CCDC85A: variants seen among roughly 807,000 people sequenced by gnomAD.
CCDC85A encodes coiled-coil domain-containing protein 85A.
CCDC85A carries 38 observed loss-of-function variants against 50.2 expected under a neutral mutation model. The ratio of observed to expected loss-of-function variants is 0.76; its 90% CI spans 0.58 to 0.99. The LOEUF is 0.99. Ranked by LOEUF, CCDC85A falls within the 50% of genes least tolerant of loss-of-function variation. The pLI, the probability that CCDC85A is intolerant of heterozygous loss-of-function variation, is 0.00. For missense variants in CCDC85A, 820 were observed against 742.0 expected (o/e 1.11, Z -1.22); for synonymous variants, 366 against 301.4 (o/e 1.21, Z -2.22).
At chr2:56,191,660 G>C (rs1401127557) in intron 1 of CCDC85A, among the ~76,000 whole-genome samples, 1 of 152,226 alleles carries the variant, frequency 6.6e-6, no homozygotes, top group Non-Finnish European at 1.5e-5. Context: ...AACAGAAAGA[G>C]GGGGCATTTG....
chr2:56,199,267 A>G (rs1363112512), intron 2 of CCDC85A, among the ~76,000 whole-genome samples: 1 of 152,204 alleles, frequency 6.6e-6, no homozygotes, highest in Non-Finnish European at 1.5e-5. Context: ...ACAAATACAG[A>G]ATGTGTAGGG....
chr2:56,252,051 A>AT (rs764719557), intron 2 of CCDC85A, among the ~76,000 whole-genome samples: 5,423 of 126,326 alleles, frequency 0.043, 299 homozygotes, highest in African/African-American at 0.14. Context: ...ATCATCAACT[A>AT]TTTTTTTTTT....
At chr2:56,369,514 A>T (rs1441071948) in intron 3 of CCDC85A, among the ~76,000 whole-genome samples, 1 of 152,116 alleles carries the variant, frequency 6.6e-6, no homozygotes, top group South Asian at 2.1e-4. Context: ...AACCCATGCA[A>T]ATGTCCATAT....
In CCDC85A at chr2:56,184,634, G is replaced by A; in HGVS notation, c.10G>A (p.Ala4Thr). The change falls in exon 1 of 6, where the codon GCG becomes ACG. Residue 4 changes from alanine (A) to threonine (T), a missense_variant. By Grantham distance (58) the Ala-to-Thr change is moderately conservative. Coordinates refer to ENST00000407595, the MANE Select transcript of CCDC85A (RefSeq NM_001080433.2). MSK[A>T]AGGAAAAAAA... is the part of the protein sequence containing the mutation. ...CCACCCCGCGGATACCATGTCGAAG[G>A]CGGCCGGAGGCGCGGCGGCGGCTGC... 6 of 1,428,034 alleles carry A rather than the reference G, an allele frequency of 4.2e-6. No homozygotes were observed. The highest frequency in any genetic ancestry group is 5.4e-6 in the Non-Finnish European group (6 of 1,104,996). The allele number at this position is 1,428,034 out of a possible 1,614,324, so 88.5% of individuals were successfully genotyped here.
intron 2 of CCDC85A, among the ~76,000 whole-genome samples, chr2:56,332,303 A>G (rs1673845921): frequency 6.6e-6 from 1 of 152,118 alleles, no homozygotes; most frequent in Non-Finnish European, 1.5e-5. Context: ...ATACAACAGA[A>G]TACCTTAGGT....
At chr2:56,185,241 TAGGCGGAA>T (rs1280607080) in intron 1 of CCDC85A, among the ~76,000 whole-genome samples, 1 of 152,178 alleles carries the variant, frequency 6.6e-6, no homozygotes, top group Non-Finnish European at 1.5e-5. Flanking sequence ...TTCAGTCAGT[TAGGCGGAA>T]AGGCCAGTGA....
intron 2 of CCDC85A, among the ~76,000 whole-genome samples, chr2:56,300,322 A>T (rs1672143128): frequency 6.6e-6 from 1 of 152,238 alleles, no homozygotes; most frequent in African/African-American, 2.4e-5. Flanking sequence ...TGAATAAGTA[A>T]ATGAACATGG....
At chr2:56,342,835 C>A (rs1248597127) in intron 2 of CCDC85A, 44 bp from the exon 3 acceptor site, 11 of 1,302,724 alleles carry the variant, frequency 8.4e-6, no homozygotes, top group African/African-American at 1.5e-5. Flanking sequence ...GTACACCAAA[C>A]AAGACCTGTG....
chr2:56,238,740 C>G (rs1054364145), intron 2 of CCDC85A, among the ~76,000 whole-genome samples: 1 of 152,068 alleles, frequency 6.6e-6, no homozygotes, highest in African/African-American at 2.4e-5. Flanking sequence ...TATAAGACCA[C>G]TATATAAGAG....
At chr2:56,190,027 C>T (rs1676231770) in intron 1 of CCDC85A, among the ~76,000 whole-genome samples, 1 of 152,248 alleles carries the variant, frequency 6.6e-6, no homozygotes, top group Admixed American at 6.5e-5. Context: ...AACTAAGCTG[C>T]ATAAGCTTCT....
chr2:56,344,118 G>A (rs1674512702), intron 3 of CCDC85A, among the ~76,000 whole-genome samples: 2 of 152,074 alleles, frequency 1.3e-5, no homozygotes, highest in African/African-American at 4.8e-5. Flanking sequence ...CCAAGTGGAT[G>A]CCTGAAACCA....
intron 2 of CCDC85A, among the ~76,000 whole-genome samples, chr2:56,338,508 A>C (rs1674194852): frequency 6.6e-6 from 1 of 152,154 alleles, no homozygotes; most frequent in African/African-American, 2.4e-5. Context: ...CACCATGAGA[A>C]GTTTCTATCA....
chr2:56,320,343 A>G (rs1673118381), intron 2 of CCDC85A, among the ~76,000 whole-genome samples: 1 of 152,176 alleles, frequency 6.6e-6, no homozygotes, highest in African/African-American at 2.4e-5. Context: ...AAATCAATGA[A>G]TCCAGGAGCT....
intron 2 of CCDC85A, among the ~76,000 whole-genome samples, chr2:56,336,325 T>G (rs1005065800): frequency 3.9e-5 from 6 of 152,100 alleles, no homozygotes; most frequent in African/African-American, 1.4e-4. Flanking sequence ...GGCTAATTTT[T>G]GTATTTTTAG....
intron 2 of CCDC85A, among the ~76,000 whole-genome samples, chr2:56,306,839 C>T (rs1483649834): frequency 6.6e-6 from 1 of 152,036 alleles, no homozygotes; most frequent in Non-Finnish European, 1.5e-5. Context: ...ACGAGACAAT[C>T]TAGTAGGATA....
intron 3 of CCDC85A, among the ~76,000 whole-genome samples, chr2:56,347,867 T>C (rs1346324373): frequency 6.6e-6 from 1 of 152,248 alleles, no homozygotes; most frequent in Non-Finnish European, 1.5e-5. Context: ...ACAAAGATTT[T>C]TTAATCCAGA....
intron 2 of CCDC85A, among the ~76,000 whole-genome samples, chr2:56,268,706 A>G (rs1241935908): frequency 6.6e-6 from 1 of 152,132 alleles, no homozygotes; most frequent in Non-Finnish European, 1.5e-5. Context: ...TGACATCATT[A>G]TCACAAAATA....
At chr2:56,252,223 T>C (rs1319003834) in intron 2 of CCDC85A, among the ~76,000 whole-genome samples, 1 of 152,074 alleles carries the variant, frequency 6.6e-6, no homozygotes, top group Non-Finnish European at 1.5e-5. Context: ...ATTTTTTGTA[T>C]TTTTAGTAGA....
At chr2:56,235,327 A>G (rs1164092796) in intron 2 of CCDC85A, 2 of 152,190 alleles carry the variant, frequency 1.3e-5, no homozygotes, top group African/African-American at 2.4e-5. Context: ...GTGTGACCGC[A>G]GACAGCATAG....
Sources: gnomAD v4.1 joint callset for allele counts (sites outside exome capture counted in the v4.1 genomes callset) on GRCh38, gnomAD v4.1.1 for gene constraint, MANE v1.5 for transcripts, NCBI Gene and HGNC (gene_info 2026-07-23, HGNC 2026-07-21) for gene names.